ADGRL3: variants seen among roughly 807,000 people sequenced by gnomAD.
ADGRL3 encodes the protein calcium-independent alpha-latrotoxin receptor 3.
A neutral mutation model predicts 153.5 loss-of-function variants in ADGRL3; 62 were observed. The ratio of observed to expected loss-of-function variants is 0.40; its 90% CI spans 0.33 to 0.50. The LOEUF (loss-of-function observed/expected upper bound fraction) is 0.50. ADGRL3 is among the 20% of genes least tolerant of loss of function. The pLI is 0.47. For missense variants in ADGRL3, 1,641 were observed against 1,859.4 expected, an observed-to-expected ratio of 0.88 and a Z score of 2.16; for synonymous variants, 710 against 672.5, an observed-to-expected ratio of 1.06 and a Z score of -0.86.
intron 4 of ADGRL3, among the ~76,000 whole-genome samples, chr4:61,536,056 C>T (rs933281257): frequency 6.6e-6 from 1 of 151,574 alleles, no homozygotes; most frequent in Non-Finnish European, 1.5e-5. Flanking sequence ...TGTTTTTTTG[C>T]TGTATTCCAG....
intron 2 of ADGRL3, among the ~76,000 whole-genome samples, chr4:61,436,351 C>T (rs1446425458): frequency 6.6e-6 from 1 of 152,140 alleles, no homozygotes. Context: ...ACATTTTGGA[C>T]ATTCACATTT....
chr4:61,312,114 A>G (rs1166924750), intron 1 of ADGRL3, among the ~76,000 whole-genome samples: 2 of 152,218 alleles, frequency 1.3e-5, no homozygotes, highest in East Asian at 3.8e-4. Context: ...AAATAGGCCC[A>G]CAAATATAGT....
chr4:61,339,596 A>G (rs1335744732), intron 1 of ADGRL3, among the ~76,000 whole-genome samples: 1 of 152,196 alleles, frequency 6.6e-6, no homozygotes, highest in Non-Finnish European at 1.5e-5. Flanking sequence ...CTAGTTATTT[A>G]TACCATGCAA....
chr4:61,523,743 A>C (rs776569416), intron 4 of ADGRL3, among the ~76,000 whole-genome samples: 1 of 152,054 alleles, frequency 6.6e-6, no homozygotes, highest in Non-Finnish European at 1.5e-5. Context: ...ATTGAAAATA[A>C]ATGTGCGAGC....
chr4:61,825,471 CAG>C (rs2097792029), intron 9 of ADGRL3, among the ~76,000 whole-genome samples: 2 of 152,132 alleles, frequency 1.3e-5, no homozygotes, highest in South Asian at 4.1e-4. Flanking sequence ...AAGTTCTCAA[CAG>C]AGTTTTCAAT....
intron 11 of ADGRL3, among the ~76,000 whole-genome samples, chr4:61,904,741 T>C (rs1270164156): frequency 1.3e-5 from 2 of 152,176 alleles, no homozygotes; most frequent in African/African-American, 2.4e-5. Flanking sequence ...TTTTGTTCTC[T>C]ATTTGATGAC....
chr4:61,545,721 G>A (rs941491144), intron 4 of ADGRL3, among the ~76,000 whole-genome samples: 1 of 152,088 alleles, frequency 6.6e-6, no homozygotes, highest in African/African-American at 2.4e-5. Flanking sequence ...GGCTGTGTTG[G>A]CCAGGCTGGT....
At position 61,443,585 on chromosome 4, in the gene ADGRL3, A is replaced by T. The variant is rs573318175; in HGVS notation, c.-173-53536A>T. On this transcript the variant is annotated intron_variant, in intron 2 of 26. Transcript: ENST00000683033. ...CTACATTTCTTTAAAATTGATAATGATGTTACTAATTTTGTGTTATGTATA... is the reference window on the plus strand; with the variant it reads ...CTACATTTCTTTAAAATTGATAATGTTGTTACTAATTTTGTGTTATGTATA... Among the ~76,000 whole-genome samples the T allele has an allele frequency of 2.4e-4, 36 of 152,242 alleles. 1 individual carries two copies. The South Asian group carries it at 7.2e-3, about 31-fold the overall frequency.
chr4:61,728,887 T>C (rs2096392949), intron 6 of ADGRL3, among the ~76,000 whole-genome samples: 1 of 152,018 alleles, frequency 6.6e-6, no homozygotes, highest in African/African-American at 2.4e-5. Flanking sequence ...GGTATAAGCA[T>C]GAAGTGCATC....
At chr4:61,535,772 G>T (rs1010088441) in intron 4 of ADGRL3, among the ~76,000 whole-genome samples, 1 of 151,668 alleles carries the variant, frequency 6.6e-6, no homozygotes, top group Non-Finnish European at 1.5e-5. Flanking sequence ...TCTTTCTTTG[G>T]CATTGTGCTT....
chr4:61,458,711 T>C (rs1446790030), intron 2 of ADGRL3, among the ~76,000 whole-genome samples: 1 of 151,568 alleles, frequency 6.6e-6, no homozygotes, highest in South Asian at 2.1e-4. Context: ...AGGTAGCTAA[T>C]ATTTGTGAAT....
chr4:61,707,018 G>T (rs1382452468), intron 6 of ADGRL3, among the ~76,000 whole-genome samples: 1 of 152,066 alleles, frequency 6.6e-6, no homozygotes, highest in Admixed American at 6.6e-5. Flanking sequence ...GGCCATTGCA[G>T]GATTATTAAG....
chr4:61,293,907 T>A (rs1023676464), intron 1 of ADGRL3, among the ~76,000 whole-genome samples: 10 of 152,144 alleles, frequency 6.6e-5, no homozygotes, highest in African/African-American at 1.9e-4. Flanking sequence ...AAAAGGTCTC[T>A]TGTGGGTTTT....
At chr4:61,821,487 C>T (rs904942943) in intron 9 of ADGRL3, among the ~76,000 whole-genome samples, 10 of 151,892 alleles carry the variant, frequency 6.6e-5, no homozygotes, top group East Asian at 1.9e-4. Flanking sequence ...CTCAGCCTCC[C>T]GAGTAGCTGG....
chr4:61,902,970 G>T (rs2098673018), intron 11 of ADGRL3, among the ~76,000 whole-genome samples: 1 of 152,156 alleles, frequency 6.6e-6, no homozygotes, highest in African/African-American at 2.4e-5. Flanking sequence ...GGACTGTAGA[G>T]ATTCAAATGT....
At chr4:62,020,765 G>T (rs1350148647) in intron 21 of ADGRL3, among the ~76,000 whole-genome samples, 3 of 151,944 alleles carry the variant, frequency 2.0e-5, no homozygotes, top group Non-Finnish European at 4.4e-5. Flanking sequence ...TCAAATGATT[G>T]CACTTAGTAG....
chr4:61,712,444 T>C (rs1234121507), intron 6 of ADGRL3, among the ~76,000 whole-genome samples: 7 of 152,086 alleles, frequency 4.6e-5, no homozygotes, highest in African/African-American at 1.7e-4. Context: ...CAAATGTGAA[T>C]TGAAATCCTA....
intron 17 of ADGRL3, among the ~76,000 whole-genome samples, chr4:61,956,692 C>T (rs13356523): frequency 6.6e-6 from 1 of 152,098 alleles, no homozygotes; most frequent in African/African-American, 2.4e-5. Flanking sequence ...AGTCTTTAAC[C>T]CATCTTGAGT....
At chr4:61,750,133 C>A (rs2096733953) in intron 8 of ADGRL3, among the ~76,000 whole-genome samples, 1 of 131,246 alleles carries the variant, frequency 7.6e-6, no homozygotes. Context: ...TCTTCATGAA[C>A]TTACAGTCTA....
Sources: gnomAD v4.1 joint callset for allele counts (sites outside exome capture counted in the v4.1 genomes callset) on GRCh38, gnomAD v4.1.1 for gene constraint, MANE v1.5 for transcripts, NCBI Gene and HGNC (gene_info 2026-07-23, HGNC 2026-07-21) for gene names.